Variants in BTAF1 observed in about 807,000 individuals in gnomAD.
BTAF1 encodes TATA-binding protein-associated factor 172.
BTAF1 carries 38 observed loss-of-function variants against 227.1 expected under a neutral mutation model. The ratio of observed to expected loss-of-function variants is 0.17; its 90% CI spans 0.13 to 0.22. The LOEUF is 0.22. Among genes scored for constraint, BTAF1 ranks in the 10% least tolerant of loss-of-function variants. The probability of loss-of-function intolerance (pLI) is 1.00; values close to 1 mark genes in which losing one functional copy is unlikely to be tolerated. For synonymous variants in BTAF1, 742 were observed against 751.9 expected (o/e 0.99, Z 0.21); for missense variants, 1,598 against 2,204.0 (o/e 0.73, Z 5.51).
chr10:91,999,513 G>T (rs1323207096), intron 25 of BTAF1, among the ~76,000 whole-genome samples: 1 of 152,134 alleles, frequency 6.6e-6, no homozygotes, highest in Non-Finnish European at 1.5e-5. Flanking sequence ...TCCTGCCTCA[G>T]CCTCCTTAGT....
At position 91,992,186 on chromosome 10, in the gene BTAF1, C is replaced by T. The variant is rs200694385; in HGVS notation, c.2922C>T (p.Tyr974=). Residue 974 remains tyrosine (Y), a synonymous_variant, in exon 21 of 38, where the codon TAC becomes TAT. Coordinates refer to ENST00000265990, the MANE Select transcript of BTAF1 (RefSeq NM_003972.3). ...VTKHRGIITL[Y]RHQKAAFAIT... is the part of the protein sequence containing the mutation. The stretch of plus-strand genomic sequence containing the variant: ...AGCACAGAGGTATAATTACACTCTA[C>T]AGGCACCAGAAAGCTGCCTTTGCTA... The T allele has an allele frequency of 5.5e-5, 88 of 1,613,946 alleles. No homozygotes were observed. In the Admixed American group the frequency reaches 6.3e-4, roughly 12 times the overall value.
chr10:91,996,141 A>G (rs1849131667), intron 23 of BTAF1, among the ~76,000 whole-genome samples: 1 of 152,190 alleles, frequency 6.6e-6, no homozygotes. Flanking sequence ...AGCAGAGCAG[A>G]GGTTCTATAC....
At chr10:92,002,346 A>C (rs1849605952) in intron 25 of BTAF1, among the ~76,000 whole-genome samples, 1 of 152,194 alleles carries the variant, frequency 6.6e-6, no homozygotes, top group Non-Finnish European at 1.5e-5. Context: ...AGTGATTTTT[A>C]TAGAGGCTCT....
chr10:91,998,999 G>T (rs995369215), intron 25 of BTAF1, among the ~76,000 whole-genome samples: 3 of 150,250 alleles, frequency 2.0e-5, no homozygotes, highest in South Asian at 2.1e-4. Flanking sequence ...GGAGACAGAG[G>T]TTGCAGTGAA....
In BTAF1 at chr10:91,991,793, G is replaced by GTA. The variant is rs1307734990; in HGVS notation, c.2855-325_2855-324insAT. On this transcript the variant is annotated intron_variant, in intron 20 of 37. Transcript: ENST00000265990. The stretch of plus-strand genomic sequence containing the variant: ...TATATATATGTGTGTGTGTGTGTGT[G>GTA]TGTGTATATATATATATATATATAT... Among the ~76,000 whole-genome samples, 219 of 83,340 alleles carry GTA rather than the reference G, an allele frequency of 2.6e-3. 1 individual carries two copies. The highest frequency in any genetic ancestry group is 6.4e-3 in the African/African-American group (205 of 32,236). 54.7% of individuals were successfully genotyped at this position (83,340 alleles called of 152,430 possible).
chr10:91,951,424 G>C lies in BTAF1; in HGVS notation c.422G>C (p.Arg141Thr). ...AAAGGTGAAGTGGATCCTAAAGAGAGGATAGCACGCCAACGAAAATTATTA... is the reference window on the plus strand; with the variant it reads ...AAAGGTGAAGTGGATCCTAAAGAGACGATAGCACGCCAACGAAAATTATTA... ...EKSGEVDPKERIARQRKLLQK... is the reference protein window; with the variant it reads ...EKSGEVDPKETIARQRKLLQK... The change falls in exon 5 of 38, where the codon AGG (arginine) becomes ACG (threonine). Residue 141 changes from arginine (R) to threonine (T), a missense_variant. Around this residue, in one of 10 missense-constraint regions of BTAF1, gnomAD observed 298 missense variants for 395.2 expected, o/e 0.75. Coordinates refer to ENST00000265990, the MANE Select transcript of BTAF1 (RefSeq NM_003972.3). The C allele has an allele frequency of 6.2e-7, 1 of 1,611,564 alleles. No homozygotes were observed. The highest frequency in any genetic ancestry group is 8.5e-7 in the Non-Finnish European group (1 of 1,179,260).
At chr10:91,971,426 G>T in intron 14 of BTAF1, among the ~76,000 whole-genome samples, 1 of 150,016 alleles carries the variant, frequency 6.7e-6, no homozygotes, top group African/African-American at 2.5e-5. Context: ...TATTTTTATT[G>T]GCTATTTCAT....
At chr10:91,926,848 G>T (rs1843873635) in intron 1 of BTAF1, among the ~76,000 whole-genome samples, 1 of 152,168 alleles carries the variant, frequency 6.6e-6, no homozygotes, top group Non-Finnish European at 1.5e-5. Context: ...ATTTGAACAT[G>T]AACATGGTAA....
intron 34 of BTAF1, among the ~76,000 whole-genome samples, chr10:92,019,140 T>G (rs1034803212): frequency 6.6e-6 from 1 of 152,232 alleles, no homozygotes; most frequent in African/African-American, 2.4e-5. Flanking sequence ...TGTGTAAATC[T>G]GAGGCATTAT....
intron 5 of BTAF1, 45 bp downstream of exon 5, chr10:91,951,611 G>A: frequency 3.3e-6 from 5 of 1,523,798 alleles, no homozygotes; most frequent in Non-Finnish European, 4.4e-6. Context: ...ATAATACAAA[G>A]GGTTTGCTTC....
At chr10:91,925,107 G>C (rs1055257884) in intron 1 of BTAF1, among the ~76,000 whole-genome samples, 2 of 152,162 alleles carry the variant, frequency 1.3e-5, no homozygotes, top group African/African-American at 4.8e-5. Context: ...AGACTCCCTA[G>C]ATGACTGATG....
At position 91,981,664 on chromosome 10, in the gene BTAF1, A is replaced by G. The variant is rs762965832; in HGVS notation, c.1777A>G (p.Lys593Glu). 2 of 1,611,074 alleles carry G rather than the reference A, an allele frequency of 1.2e-6. No homozygotes were observed. Among genetic ancestry groups the G allele is most frequent in the Admixed American group, 3.4e-5 (2 of 59,024 alleles). ...GCAGGTTTGGATGGAACTGTTGAGT[A>G]AGGCTTCAGTTCAGTATGTGGTAGC... The part of the protein sequence containing the change: ...IHKVWMELLS[K>E]ASVQYVVAAA... The change falls in exon 16 of 38, where the codon AAG becomes GAG. Residue 593 changes from lysine (K) to glutamate (E), a missense_variant. Around this residue, in one of 10 missense-constraint regions of BTAF1, gnomAD observed 318 missense variants for 435.0 expected, o/e 0.73. Transcript: ENST00000265990.
At chr10:92,027,590 AGTT>A (rs1413712402) in intron 37 of BTAF1, among the ~76,000 whole-genome samples, 5 of 152,078 alleles carry the variant, frequency 3.3e-5, no homozygotes, top group Non-Finnish European at 7.4e-5. Flanking sequence ...CATGGGTGAG[AGTT>A]CTTGGCCCTG....
Position 91,959,076 on chromosome 10 carries a change from T to G in BTAF1, c.912T>G (p.Gly304=). The change falls in exon 9 of 38, where the codon GGT becomes GGG. Residue 304 remains glycine, a synonymous_variant. Coordinates refer to ENST00000265990, the MANE Select transcript of BTAF1 (RefSeq NM_003972.3). ...LFNPSWEVRH[G]AGTGLREILK... ...TTTGTTCTTTTCAGGTTCGACATGG[T>G]GCAGGCACTGGACTTAGGGAAATTC... 1 of 1,614,112 alleles carries G rather than the reference T, an allele frequency of 6.2e-7. No individual in the cohort carries two copies. The highest frequency in any genetic ancestry group is 8.5e-7 in the Non-Finnish European group (1 of 1,179,952).
chr10:91,935,923 CT>C (rs879769899), intron 2 of BTAF1, 143 bp downstream of exon 2: 60,806 of 571,622 alleles, frequency 0.11, no homozygotes, highest in East Asian at 0.15. Context: ...AAGACTTAAA[CT>C]TTTTTTTTTT....
Position 91,989,178 on chromosome 10 carries a change from A to T in BTAF1, c.2452A>T (p.Thr818Ser). The T allele has an allele frequency of 6.2e-7, 1 of 1,613,452 alleles. No homozygotes were observed. The highest frequency in any genetic ancestry group is 8.5e-7 in the Non-Finnish European group (1 of 1,179,694). The change falls in exon 20 of 38, where the codon ACA (threonine) becomes TCA (serine). Residue 818 changes from threonine (T) to serine (S), a missense_variant. This residue lies in a region of BTAF1 where 318 missense variants were observed against 435.0 expected (regional missense o/e 0.73). Coordinates refer to ENST00000265990, the MANE Select transcript of BTAF1 (RefSeq NM_003972.3). ...GGTCACTACTGTTTTTAATGAAGCC[A>T]CATCATCTTTCGATTTAAATCCTCA... ...DLVTTVFNEATSSFDLNPQVL... is the reference protein window; with the variant it reads ...DLVTTVFNEASSSFDLNPQVL...
chr10:91,957,193 G>C, intron 7 of BTAF1, 32 bp from the exon 8 acceptor site: 1 of 1,565,154 alleles, frequency 6.4e-7, no homozygotes, highest in Non-Finnish European at 8.8e-7. Flanking sequence ...TAGACCTTTT[G>C]AACTAGTAGT....
intron 4 of BTAF1, among the ~76,000 whole-genome samples, chr10:91,943,196 GCCAGCTAC>G (rs551612853): frequency 1.1e-4 from 16 of 152,124 alleles, no homozygotes; most frequent in African/African-American, 3.9e-4. Context: ...CGCCTGTAAT[GCCAGCTAC>G]CCGTGAGGCT....
At chr10:92,011,173 G>T in intron 29 of BTAF1, 23 bp downstream of exon 29, 1 of 1,528,132 alleles carries the variant, frequency 6.5e-7, no homozygotes, top group Non-Finnish European at 8.9e-7. Context: ...TTTTTTTTTA[G>T]AAAAATTAAT....
Sources: gnomAD v4.1 joint callset for allele counts (sites outside exome capture counted in the v4.1 genomes callset) on GRCh38, gnomAD v4.1.1 for gene constraint, gnomAD v4.1.1 regional missense constraint, MANE v1.5 for transcripts, NCBI Gene and HGNC (gene_info 2026-07-23, HGNC 2026-07-21) for gene names.